Variants in SLC9A9 observed in about 807,000 individuals in gnomAD.
SLC9A9 encodes the protein solute carrier family 9 member A9.
In SLC9A9, 62 loss-of-function variants were observed where a neutral mutation model predicts 77.8. The observed-to-expected ratio is 0.80, with a 90% CI of 0.65 to 0.98. The LOEUF (loss-of-function observed/expected upper bound fraction) is 0.98, where lower values mean the gene tolerates loss of function less well. SLC9A9 is among the 50% of genes least tolerant of loss of function. The pLI, the probability that SLC9A9 is intolerant of heterozygous loss-of-function variation, is 0.00. For synonymous variants in SLC9A9, 320 were observed against 283.5 expected, an observed-to-expected ratio of 1.13 and a Z score of -1.29; for missense variants, 775 against 774.9, an observed-to-expected ratio of 1.00 and a Z score of 0.00.
chr3:143,666,481 C>A lies in SLC9A9; in HGVS notation c.650-14121G>T, dbSNP rs971145611. Among the ~76,000 whole-genome samples the A allele has an allele frequency of 6.6e-5, 10 of 152,190 alleles. No homozygotes were observed. The South Asian group carries it at 2.1e-3, about 32-fold the overall frequency. On this transcript the variant is annotated intron_variant, in intron 5 of 15. Coordinates refer to ENST00000316549, the MANE Select transcript of SLC9A9 (RefSeq NM_173653.4). ...TTCAACATAGTGTTGGACGTTCTGG[C>A]AAAGGCAATCAGACAGGAGAAAGAA...
intron 4 of SLC9A9, among the ~76,000 whole-genome samples, chr3:143,742,827 G>A (rs1935104814): frequency 6.6e-6 from 1 of 152,134 alleles, no homozygotes; most frequent in Non-Finnish European, 1.5e-5. Flanking sequence ...GGGTGTGGGA[G>A]GGTGCGATGG....
At chr3:143,762,917 C>G (rs955391598) in intron 4 of SLC9A9, among the ~76,000 whole-genome samples, 1 of 152,118 alleles carries the variant, frequency 6.6e-6, no homozygotes, top group Non-Finnish European at 1.5e-5. Context: ...CAGATCAACT[C>G]AGACAAACAG....
At chr3:143,439,759 C>T (rs1181595500) in intron 12 of SLC9A9, among the ~76,000 whole-genome samples, 1 of 151,444 alleles carries the variant, frequency 6.6e-6, no homozygotes, top group Non-Finnish European at 1.5e-5. Flanking sequence ...ACACAAGGAC[C>T]TGGGCTCTGA....
Position 143,794,315 on chromosome 3 carries a change from C to G in SLC9A9, c.533+686G>C, listed in dbSNP as rs540324044. On this transcript the variant is annotated intron_variant, in intron 4 of 15. Transcript: ENST00000316549. ...ATCTGCATCATCACAGTCATAGTAC[C>G]TGGACATTTTTTTTTTTTCCTGCAG... 9.3e-5 allele frequency among the ~76,000 whole-genome samples: 11 copies of G among 117,990 alleles called. No individual in the cohort carries two copies. The South Asian group carries it at 3.9e-3, about 42-fold the overall frequency. The allele number at this position is 117,990 out of a possible 152,430, so 77.4% of individuals were successfully genotyped here.
chr3:143,681,243 T>G (rs1364457400), intron 5 of SLC9A9, among the ~76,000 whole-genome samples: 1 of 152,226 alleles, frequency 6.6e-6, no homozygotes, highest in Non-Finnish European at 1.5e-5. Context: ...AGTTTTCATT[T>G]AGAATAATAT....
intron 14 of SLC9A9, among the ~76,000 whole-genome samples, chr3:143,299,994 G>C (rs997671725): frequency 6.6e-6 from 1 of 152,146 alleles, no homozygotes; most frequent in Non-Finnish European, 1.5e-5. Flanking sequence ...AGCAGAGATC[G>C]CTAATCTTTT....
intron 6 of SLC9A9, among the ~76,000 whole-genome samples, chr3:143,629,940 C>T (rs2038392527): frequency 6.6e-6 from 1 of 151,912 alleles, no homozygotes; most frequent in African/African-American, 2.4e-5. Flanking sequence ...TGGAGGATGT[C>T]AAGACACAGC....
At chr3:143,294,011 T>A (rs2030133956) in intron 14 of SLC9A9, among the ~76,000 whole-genome samples, 2 of 152,176 alleles carry the variant, frequency 1.3e-5, no homozygotes, top group Non-Finnish European at 2.9e-5. Flanking sequence ...TCATGTAAAA[T>A]TTTGTAGAAT....
chr3:143,826,219 A>G (rs1401358862), intron 2 of SLC9A9, among the ~76,000 whole-genome samples: 1 of 151,130 alleles, frequency 6.6e-6, no homozygotes, highest in Non-Finnish European at 1.5e-5. Context: ...GAATCGTACC[A>G]CTGTACTGCA....
At chr3:143,558,664 T>C (rs985865869) in intron 8 of SLC9A9, among the ~76,000 whole-genome samples, 1 of 152,236 alleles carries the variant, frequency 6.6e-6, no homozygotes, top group East Asian at 1.9e-4. Context: ...ATGCAATGCC[T>C]GTACCCTCAT....
chr3:143,808,106 C>G lies in SLC9A9; in HGVS notation c.379-11203G>C, dbSNP rs916688585. 2.6e-5 allele frequency among the ~76,000 whole-genome samples: 4 copies of G among 152,320 alleles called. No homozygotes were observed. The East Asian group carries it at 7.7e-4, about 29-fold the overall frequency. On this transcript the variant is annotated intron_variant, in intron 2 of 15. Transcript: ENST00000316549. ...TGAGGGTAACAGGAAAGGGAGAAATCACTTCTAGGTTTTTTGCTTAGGTAG... is the reference window on the plus strand; with the variant it reads ...TGAGGGTAACAGGAAAGGGAGAAATGACTTCTAGGTTTTTTGCTTAGGTAG...
At chr3:143,519,244 G>A (rs1278043686) in intron 9 of SLC9A9, among the ~76,000 whole-genome samples, 1 of 152,210 alleles carries the variant, frequency 6.6e-6, no homozygotes, top group African/African-American at 2.4e-5. Flanking sequence ...TGAGGTAGGT[G>A]TTGAAATTTT....
intron 5 of SLC9A9, among the ~76,000 whole-genome samples, chr3:143,660,804 C>T (rs1025627559): frequency 6.6e-6 from 1 of 152,138 alleles, no homozygotes; most frequent in Non-Finnish European, 1.5e-5. Context: ...CTCCCCTTAT[C>T]CCACCACTGA....
intron 9 of SLC9A9, among the ~76,000 whole-genome samples, chr3:143,544,063 C>G (rs917554340): frequency 9.3e-5 from 14 of 151,216 alleles, no homozygotes; most frequent in Admixed American, 6.6e-5. Context: ...AAGAGCCATT[C>G]TGACTGGTGT....
At chr3:143,497,116 T>C (rs966920128) in intron 9 of SLC9A9, among the ~76,000 whole-genome samples, 8 of 152,212 alleles carry the variant, frequency 5.3e-5, no homozygotes, top group Non-Finnish European at 1.0e-4. Context: ...AACATATGAA[T>C]TTTTAGAGAG....
At chr3:143,841,928 A>G (rs976126789) in intron 1 of SLC9A9, among the ~76,000 whole-genome samples, 1 of 151,738 alleles carries the variant, frequency 6.6e-6, no homozygotes, top group Admixed American at 6.6e-5. Flanking sequence ...TAATTTTTGT[A>G]TTTTTTAGTA....
intron 2 of SLC9A9, among the ~76,000 whole-genome samples, chr3:143,802,216 A>C (rs2008582558): frequency 6.6e-6 from 1 of 152,172 alleles, no homozygotes; most frequent in African/African-American, 2.4e-5. Context: ...CCAGCCTCAC[A>C]GGCCCATTCT....
intron 5 of SLC9A9, among the ~76,000 whole-genome samples, chr3:143,665,831 C>T (rs1168772345): frequency 6.6e-6 from 1 of 152,118 alleles, no homozygotes; most frequent in Non-Finnish European, 1.5e-5. Flanking sequence ...AAAATTGAGG[C>T]AATAATTAAT....
At chr3:143,521,885 C>T (rs2036305809) in intron 9 of SLC9A9, among the ~76,000 whole-genome samples, 1 of 151,886 alleles carries the variant, frequency 6.6e-6, no homozygotes, top group Non-Finnish European at 1.5e-5. Flanking sequence ...AGGTCTAATT[C>T]TGTTGTTTGC....
Sources: gnomAD v4.1 joint callset for allele counts (sites outside exome capture counted in the v4.1 genomes callset) on GRCh38, gnomAD v4.1.1 for gene constraint, MANE v1.5 for transcripts, NCBI Gene and HGNC (gene_info 2026-07-23, HGNC 2026-07-21) for gene names.